CACNA2D1: variants seen among roughly 807,000 people sequenced by gnomAD.
CACNA2D1 encodes the protein calcium voltage-gated channel auxiliary subunit alpha2delta 1.
In CACNA2D1, 53 loss-of-function variants were observed where a neutral mutation model predicts 171.5. The observed-to-expected ratio is 0.31, with a 90% CI of 0.25 to 0.39. The LOEUF (loss-of-function observed/expected upper bound fraction) is 0.39. Among genes scored for constraint, CACNA2D1 ranks in the 10% least tolerant of loss-of-function variants. The pLI is 1.00. For missense variants in CACNA2D1, 903 were observed against 1,299.8 expected, an observed-to-expected ratio of 0.69 and a Z score of 4.69; for synonymous variants, 442 against 443.1, an observed-to-expected ratio of 1.00 and a Z score of 0.03.
chr7:82,064,389 C>A, intron 8 of CACNA2D1, 35 bp from the exon 9 acceptor site: 1 of 1,490,168 alleles, frequency 6.7e-7, no homozygotes, highest in Non-Finnish European at 9.4e-7. Context: ...CTTTTCTCTT[C>A]CAAAATATCA....
intron 22 of CACNA2D1, among the ~76,000 whole-genome samples, chr7:81,984,190 T>G (rs1562821169): frequency 6.6e-6 from 1 of 152,138 alleles, no homozygotes; most frequent in African/African-American, 2.4e-5. Context: ...TGAAGCACAA[T>G]ATTATTCTGG....
intron 4 of CACNA2D1, among the ~76,000 whole-genome samples, chr7:82,162,750 C>G (rs1392704030): frequency 6.6e-6 from 1 of 151,874 alleles, no homozygotes; most frequent in Non-Finnish European, 1.5e-5. Context: ...CAATCCAGAC[C>G]CTTTTCAGTA....
intron 10 of CACNA2D1, among the ~76,000 whole-genome samples, chr7:82,050,176 C>T (rs190307815): frequency 6.6e-6 from 1 of 152,300 alleles, no homozygotes; most frequent in Admixed American, 6.5e-5. Context: ...CTTGCCTACA[C>T]AGTGCAACTC....
intron 4 of CACNA2D1, among the ~76,000 whole-genome samples, chr7:82,144,903 T>G (rs556244509): frequency 2.1e-4 from 30 of 146,214 alleles, no homozygotes; most frequent in African/African-American, 6.8e-4. Context: ...TTCAATAATG[T>G]ATGGATTATA....
At chr7:82,392,484 G>A (rs140556260) in intron 1 of CACNA2D1, among the ~76,000 whole-genome samples, 29 of 152,296 alleles carry the variant, frequency 1.9e-4, no homozygotes, top group South Asian at 1.4e-3. Flanking sequence ...GGTACAAGCC[G>A]TAATGCAGGG....
chr7:82,303,015 A>G (rs1457842059), intron 3 of CACNA2D1, among the ~76,000 whole-genome samples: 2 of 152,000 alleles, frequency 1.3e-5, no homozygotes, highest in African/African-American at 4.8e-5. Flanking sequence ...GTTTTTTGAG[A>G]CAGAGTCTCC....
chr7:82,301,908 C>T (rs1484806271), intron 3 of CACNA2D1, among the ~76,000 whole-genome samples: 1 of 151,898 alleles, frequency 6.6e-6, no homozygotes, highest in Non-Finnish European at 1.5e-5. Context: ...CGGGTGCCTG[C>T]CACCATGCCT....
intron 3 of CACNA2D1, among the ~76,000 whole-genome samples, chr7:82,194,003 A>T (rs1033151247): frequency 6.6e-6 from 1 of 152,004 alleles, no homozygotes; most frequent in African/African-American, 2.4e-5. Flanking sequence ...TAATTTTGGC[A>T]TCAAAATTAT....
At chr7:82,152,268 A>ACC (rs200731825) in intron 4 of CACNA2D1, among the ~76,000 whole-genome samples, 35 of 21,702 alleles carry the variant, frequency 1.6e-3, no homozygotes, top group African/African-American at 4.7e-3. Context: ...CTGCCCCCCC[A>ACC]CCCCCCAAAA....
chr7:81,961,084 C>T (rs1161383544), intron 36 of CACNA2D1, among the ~76,000 whole-genome samples: 3 of 149,044 alleles, frequency 2.0e-5, no homozygotes, highest in Non-Finnish European at 4.4e-5. Flanking sequence ...ATTACCTCAC[C>T]TCCTCCTATT....
intron 5 of CACNA2D1, among the ~76,000 whole-genome samples, chr7:82,136,341 A>G (rs1791601714): frequency 6.6e-6 from 1 of 152,128 alleles, no homozygotes; most frequent in African/African-American, 2.4e-5. Context: ...GCTATTTTCA[A>G]TATTGCTAAT....
chr7:82,200,692 A>G (rs1269133770), intron 3 of CACNA2D1, among the ~76,000 whole-genome samples: 1 of 151,278 alleles, frequency 6.6e-6, no homozygotes, highest in Non-Finnish European at 1.5e-5. Flanking sequence ...AACACACCCT[A>G]TTTACAAGCT....
intron 6 of CACNA2D1, among the ~76,000 whole-genome samples, chr7:82,111,091 T>G (rs961398392): frequency 5.3e-5 from 8 of 151,800 alleles, no homozygotes; most frequent in African/African-American, 1.4e-4. Context: ...AAAGAGAACA[T>G]TTAATATTTT....
chr7:82,005,930 G>A (rs1584375504), intron 16 of CACNA2D1, 91 bp from the exon 17 acceptor site: 1 of 803,180 alleles, frequency 1.2e-6, no homozygotes, highest in East Asian at 2.5e-5. Flanking sequence ...CTTGCATTAT[G>A]GTTATATTCC....
intron 1 of CACNA2D1, among the ~76,000 whole-genome samples, chr7:82,391,692 G>A (rs910227397): frequency 9.9e-5 from 15 of 152,116 alleles, no homozygotes; most frequent in Non-Finnish European, 1.6e-4. Flanking sequence ...CCCATGTGAC[G>A]GAATTTAAAG....
chr7:82,120,268 TGTATGTAC>T (rs1789564284), intron 5 of CACNA2D1, among the ~76,000 whole-genome samples: 1 of 152,190 alleles, frequency 6.6e-6, no homozygotes, highest in African/African-American at 2.4e-5. Flanking sequence ...CCAATATGTA[TGTATGTAC>T]GTATATTTTC....
chr7:82,356,357 C>A (rs957221417), intron 1 of CACNA2D1, among the ~76,000 whole-genome samples: 2 of 152,056 alleles, frequency 1.3e-5, no homozygotes, highest in Non-Finnish European at 2.9e-5. Context: ...CTGTATATAA[C>A]CTCTACCTGG....
chr7:82,027,844 T>C (rs1012440626), intron 12 of CACNA2D1: 1 of 151,806 alleles, frequency 6.6e-6, no homozygotes, highest in East Asian at 1.9e-4. Context: ...CATACTGTTA[T>C]ATTCAGTGGT....
rs183459714 is a variant in CACNA2D1 at position 82,261,111 on chromosome 7, C to G, written c.294+74024G>C. Among the ~76,000 whole-genome samples the G allele has an allele frequency of 1.5e-3, 223 of 152,156 alleles. 1 individual carries two copies. Among genetic ancestry groups the G allele is most frequent in the African/African-American group, 5.0e-3 (206 of 41,522 alleles). On this transcript the variant is annotated intron_variant, in intron 3 of 38. Transcript: ENST00000356860. ...CTAGGATTACAGGTGCCCACCAGCA[C>G]GCCCGGCTAAATTTTGTATTTTTAG...
Sources: allele counts gnomAD v4.1 joint callset (sites outside exome capture counted in the v4.1 genomes callset), GRCh38; gene constraint gnomAD v4.1.1; transcripts MANE v1.5; gene names NCBI Gene and HGNC (gene_info 2026-07-23, HGNC 2026-07-21).